BCCIP: variants seen among roughly 807,000 people sequenced by gnomAD.
BCCIP encodes BRCA2 and CDKN1A-interacting protein.
In BCCIP, 23 loss-of-function variants were observed where a neutral mutation model predicts 32.8. The observed-to-expected ratio is 0.70, with a 90% CI of 0.51 to 0.99. The LOEUF (loss-of-function observed/expected upper bound fraction) is 0.99, where lower values mean the gene tolerates loss of function less well. Ranked by LOEUF, BCCIP falls within the 50% of genes least tolerant of loss-of-function variation. The probability of loss-of-function intolerance (pLI) is 0.00; values close to 1 mark genes in which losing one functional copy is unlikely to be tolerated. For missense variants in BCCIP, 378 were observed against 379.8 expected, an observed-to-expected ratio of 1.00 and a Z score of 0.04; for synonymous variants, 144 against 137.6, an observed-to-expected ratio of 1.05 and a Z score of -0.33.
chr10:125,824,449 T>C (rs541538276), intron 1 of BCCIP, among the ~76,000 whole-genome samples: 140 of 152,344 alleles, frequency 9.2e-4, no homozygotes, highest in Middle Eastern at 6.8e-3. Flanking sequence ...TGTATAATAA[T>C]TCATGCCCCT....
chr10:125,824,337 G>A (rs912499612), intron 1 of BCCIP, among the ~76,000 whole-genome samples: 1 of 152,156 alleles, frequency 6.6e-6, no homozygotes, highest in African/African-American at 2.4e-5. Flanking sequence ...TGGCAATATA[G>A]GTACTTATTA....
chr10:125,830,128 T>C (rs1854489143), intron 3 of BCCIP, among the ~76,000 whole-genome samples: 1 of 152,222 alleles, frequency 6.6e-6, no homozygotes, highest in Admixed American at 6.5e-5. Flanking sequence ...GAGTTTTAGA[T>C]GAAACAATGC....
At chr10:125,827,678 C>A (rs767285999) in intron 3 of BCCIP, 40 bp downstream of exon 3, 2 of 1,441,348 alleles carry the variant, frequency 1.4e-6, no homozygotes, top group East Asian at 2.3e-5. Flanking sequence ...TAAATGAGTT[C>A]TTTATTCTGT....
At chr10:125,823,852 C>T (rs541849714) in intron 1 of BCCIP, 130 bp downstream of exon 1, 1 of 1,345,516 alleles carries the variant, frequency 7.4e-7, no homozygotes, top group Non-Finnish European at 1.0e-6. Context: ...GAGATAAGTT[C>T]TTTCTCAGGT....
chr10:125,829,196 CTG>C (rs1310013036), intron 3 of BCCIP, among the ~76,000 whole-genome samples: 1 of 152,188 alleles, frequency 6.6e-6, no homozygotes, highest in East Asian at 1.9e-4. Context: ...GTACCTTAAT[CTG>C]TTTCCATTTC....
intron 7 of BCCIP, among the ~76,000 whole-genome samples, chr10:125,849,965 G>A (rs1944069116): frequency 6.6e-6 from 1 of 151,916 alleles, no homozygotes; most frequent in Non-Finnish European, 1.5e-5. Context: ...CACCACTGTA[G>A]AATCTTTTGT....
chr10:125,834,242 C>G (rs1854594600), intron 6 of BCCIP, among the ~76,000 whole-genome samples: 1 of 152,186 alleles, frequency 6.6e-6, no homozygotes, highest in Non-Finnish European at 1.5e-5. Flanking sequence ...CCTGTGAAAT[C>G]TTTCATTCTA....
downstream of BCCIP, chr10:125,838,442 T>C: frequency 2.1e-6 from 3 of 1,435,114 alleles, no homozygotes; most frequent in Non-Finnish European, 1.9e-6. Context: ...GAGATCATTA[T>C]ACAAAGATGT....
chr10:125,825,404 T>G (rs968668174), intron 1 of BCCIP: 1 of 152,264 alleles, frequency 6.6e-6, no homozygotes, highest in African/African-American at 2.4e-5. Context: ...GGAATAAGTT[T>G]AAGTCCTGAA....
rs1854689224 is a variant in BCCIP at position 125,836,485 on chromosome 10, A to G, written c.*211A>G. The G allele has an allele frequency of 3.6e-6, 5 of 1,387,814 alleles. No homozygotes were observed. The highest frequency in any genetic ancestry group is 9.4e-7 in the Non-Finnish European group (1 of 1,067,074). The allele number at this position is 1,387,814 out of a possible 1,614,324, so 86.0% of individuals were successfully genotyped here. A position where few individuals can be genotyped will look rare whatever the true frequency, so the allele number is the denominator to read the frequency against. On this transcript the variant is annotated 3_prime_UTR_variant, in exon 7 of 7. Transcript: ENST00000278100. ...GGTTGATTTAAAAACTTTTCCAAGAAGAAGAAAAGCATGGAGTAGTAATTT... is the reference window on the plus strand; with the variant it reads ...GGTTGATTTAAAAACTTTTCCAAGAGGAAGAAAAGCATGGAGTAGTAATTT...
At chr10:125,841,599 C>G in exon 7 of BCCIP, 1 of 1,449,462 alleles carries the variant, frequency 6.9e-7, no homozygotes, top group East Asian at 2.5e-5. Context: ...TATTAAAATA[C>G]CTCACTATCA....
rs1190732225 is a variant in BCCIP at position 125,831,707 on chromosome 10, G to C, written c.599+100G>C. ...AATATGTAGATATAGAAAGAGTTCT[G>C]TCCTTGGTTTAAGTGGGTTTAGTGT... On this transcript the variant is annotated intron_variant, in intron 5 of 6. Transcript: ENST00000278100. 2.4e-6 allele frequency: 3 copies of C among 1,238,808 alleles called. No individual in the cohort carries two copies. The East Asian group carries it at 7.4e-5, about 31-fold the overall frequency. The allele number at this position is 1,238,808 out of a possible 1,614,324, so 76.7% of individuals were successfully genotyped here. A position where few individuals can be genotyped will look rare whatever the true frequency, so the allele number is the denominator to read the frequency against.
At chr10:125,852,145 C>A (rs774535853) in intron 7 of BCCIP, 4 of 970,048 alleles carry the variant, frequency 4.1e-6, no homozygotes, top group Non-Finnish European at 5.9e-6. Context: ...AGAATGTTTA[C>A]CTCTAGCAGG....
At chr10:125,831,710 C>A in intron 5 of BCCIP, 103 bp downstream of exon 5, 1 of 1,220,746 alleles carries the variant, frequency 8.2e-7, no homozygotes, top group East Asian at 2.5e-5. Flanking sequence ...GAGTTCTGTC[C>A]TTGGTTTAAG....
downstream of BCCIP, chr10:125,841,434 AAC>A (rs1854878096): frequency 6.4e-7 from 1 of 1,569,866 alleles, no homozygotes; most frequent in Non-Finnish European, 8.6e-7. Context: ...TTTGGGGAAA[AAC>A]ACCTCTAGTG....
At chr10:125,837,082 G>C (rs1300390846), downstream of BCCIP, among the ~76,000 whole-genome samples, 1 of 152,180 alleles carries the variant, frequency 6.6e-6, no homozygotes, top group African/African-American at 2.4e-5. Context: ...CTAGTGTTAT[G>C]CCACACAGTG....
intron 5 of BCCIP, 87 bp downstream of exon 5, chr10:125,831,694 T>C (rs1266399401): frequency 1.4e-5 from 18 of 1,319,216 alleles, no homozygotes; most frequent in Middle Eastern, 1.9e-4. Context: ...TATGTAGATA[T>C]AGAAAGAGTT....
At position 125,831,620 on chromosome 10, in the gene BCCIP, G is replaced by T; in HGVS notation, c.599+13G>T. The T allele has an allele frequency of 6.3e-7, 1 of 1,592,136 alleles. No homozygotes were observed. Among genetic ancestry groups the T allele is most frequent in the Non-Finnish European group, 8.5e-7 (1 of 1,169,744 alleles). On this transcript the variant is annotated intron_variant, in intron 5 of 6. Coordinates refer to ENST00000278100, the MANE Select transcript of BCCIP (RefSeq NM_078468.3). ...ACCAGCAGCTTCAGTAAGAGATTCT[G>T]GGAAAATATCTTTGAACAGTAATTT...
At chr10:125,843,024 T>G (rs1469000029), downstream of BCCIP, among the ~76,000 whole-genome samples, 1 of 152,152 alleles carries the variant, frequency 6.6e-6, no homozygotes, top group African/African-American at 2.4e-5. Context: ...TGCACCAACC[T>G]AATATTTATT....
Sources: gnomAD v4.1 joint callset for allele counts (sites outside exome capture counted in the v4.1 genomes callset) on GRCh38, gnomAD v4.1.1 for gene constraint, MANE v1.5 for transcripts, NCBI Gene and HGNC (gene_info 2026-07-23, HGNC 2026-07-21) for gene names.